ASIC2: variants seen among roughly 807,000 people sequenced by gnomAD.
ASIC2 encodes acid-sensing ion channel 2.
Under a neutral mutation model 57.3 loss-of-function variants are expected in ASIC2, and 25 were observed. The ratio of observed to expected loss-of-function variants is 0.44; its 90% confidence interval spans 0.32 to 0.61. ASIC2 has a LOEUF of 0.61. Ranked by LOEUF, ASIC2 falls within the 20% of genes least tolerant of loss-of-function variation. ASIC2 has a pLI of 0.06. For synonymous variants in ASIC2, 319 were observed against 307.5 expected, an observed-to-expected ratio of 1.04 and a Z score of -0.39; for missense variants, 641 against 738.1, an observed-to-expected ratio of 0.87 and a Z score of 1.52.
intron 1 of ASIC2, among the ~76,000 whole-genome samples, chr17:33,800,142 T>C (rs886894706): frequency 6.6e-6 from 1 of 152,130 alleles, no homozygotes; most frequent in Non-Finnish European, 1.5e-5. Flanking sequence ...TGCATCTGCA[T>C]CTCAGGCCTT....
At chr17:34,069,057 G>C (rs146104398) in intron 1 of ASIC2, among the ~76,000 whole-genome samples, 1 of 152,308 alleles carries the variant, frequency 6.6e-6, no homozygotes, top group Admixed American at 6.5e-5. Context: ...AGGAGAGTGG[G>C]CTACTCCTAC....
chr17:33,344,012 T>C (rs1025806895), intron 1 of ASIC2, among the ~76,000 whole-genome samples: 3 of 152,156 alleles, frequency 2.0e-5, no homozygotes, highest in Non-Finnish European at 4.4e-5. Context: ...CCAGGCTGAG[T>C]TGCGTGTTCC....
At chr17:33,911,476 C>G (rs946802671) in intron 1 of ASIC2, among the ~76,000 whole-genome samples, 1 of 152,164 alleles carries the variant, frequency 6.6e-6, no homozygotes, top group African/African-American at 2.4e-5. Flanking sequence ...CCCCAGTGTT[C>G]CAAGAATCAG....
rs552940156 is a variant in ASIC2, at chr17:33,017,674, A to G, written c.1452T>C (p.Gly484=). The G allele has an allele frequency of 8.1e-6, 13 of 1,613,262 alleles. No homozygotes were observed. The South Asian group carries it at 1.4e-4, about 18-fold the overall frequency. The part of the protein sequence containing the change: ...YEVAALLGDI[G]GQMGLFIGAS... ...CACCAATGAACAATCCCATCTGACC[A>G]CCAATATCACCTGGAGAGAGAGGGA... Residue 484 remains glycine, a synonymous_variant, in exon 8 of 10, where the codon GGT becomes GGC. Coordinates refer to ENST00000225823, the MANE Select transcript of ASIC2 (RefSeq NM_183377.2).
intron 1 of ASIC2, among the ~76,000 whole-genome samples, chr17:33,771,211 G>T (rs774424678): frequency 6.6e-6 from 1 of 152,162 alleles, no homozygotes; most frequent in Non-Finnish European, 1.5e-5. Context: ...TCTGTGCTGA[G>T]AATAAGAAAA....
chr17:33,542,784 C>A (rs1296287327), intron 1 of ASIC2, among the ~76,000 whole-genome samples: 2 of 140,376 alleles, frequency 1.4e-5, no homozygotes, highest in South Asian at 2.5e-4. Context: ...TCTTTTGTTG[C>A]CATTGCTTTT....
At chr17:33,886,672 T>G (rs995199693) in intron 1 of ASIC2, among the ~76,000 whole-genome samples, 1 of 152,144 alleles carries the variant, frequency 6.6e-6, no homozygotes, top group Non-Finnish European at 1.5e-5. Context: ...CAAACTCACT[T>G]TCTCCTAAAT....
intron 1 of ASIC2, among the ~76,000 whole-genome samples, chr17:33,358,180 C>A (rs577152541): frequency 2.1e-4 from 32 of 152,268 alleles, no homozygotes; most frequent in African/African-American, 6.3e-4. Context: ...TATTTTCTAA[C>A]GTGTGAAGAG....
chr17:33,177,683 T>C (rs1330003411), intron 1 of ASIC2, among the ~76,000 whole-genome samples: 2 of 152,176 alleles, frequency 1.3e-5, no homozygotes, highest in Non-Finnish European at 2.9e-5. Flanking sequence ...TTCTGAACCC[T>C]CAAACCCCTC....
intron 1 of ASIC2, among the ~76,000 whole-genome samples, chr17:33,225,217 G>C (rs1012476366): frequency 1.3e-5 from 2 of 152,194 alleles, no homozygotes; most frequent in Non-Finnish European, 2.9e-5. Context: ...GTTTGTTATA[G>C]CAAGAAACTG....
chr17:33,148,821 C>T (rs186507044), intron 1 of ASIC2, among the ~76,000 whole-genome samples: 143 of 152,220 alleles, frequency 9.4e-4, no homozygotes, highest in Middle Eastern at 6.8e-3. Flanking sequence ...AGGCCAGGTG[C>T]GCTGGCTCAC....
At position 33,223,121 on chromosome 17, in the gene ASIC2, C is replaced by T. The variant is rs1046910456; in HGVS notation, c.708+68287G>A. Among the ~76,000 whole-genome samples, 8 of 152,292 alleles carry T rather than the reference C, an allele frequency of 5.3e-5. 1 individual carries two copies. The South Asian group carries it at 1.7e-3, about 32-fold the overall frequency. ...TAGATGCCAACCTGTTCTCACAGAA[C>T]TGAACCAAAACACAGACAACCATCT... On this transcript the variant is annotated intron_variant, in intron 1 of 9. Transcript: ENST00000225823.
At chr17:33,458,717 C>T (rs927812916) in intron 1 of ASIC2, among the ~76,000 whole-genome samples, 5 of 152,178 alleles carry the variant, frequency 3.3e-5, no homozygotes, top group Non-Finnish European at 4.4e-5. Context: ...ATATGACTTT[C>T]TCTATCTGGG....
chr17:33,110,395 C>T (rs1440059186), intron 2 of ASIC2, among the ~76,000 whole-genome samples: 2 of 152,164 alleles, frequency 1.3e-5, no homozygotes, highest in Non-Finnish European at 1.5e-5. Context: ...GGACACAAAC[C>T]TTCGTCCCTC....
intron 1 of ASIC2, among the ~76,000 whole-genome samples, chr17:33,253,198 G>C (rs953769046): frequency 3.9e-5 from 6 of 152,196 alleles, no homozygotes; most frequent in Admixed American, 6.5e-5. Context: ...GCAGGAGACA[G>C]AGCTGGAGTT....
chr17:33,194,539 A>G (rs1567780267), intron 1 of ASIC2, among the ~76,000 whole-genome samples: 1 of 152,256 alleles, frequency 6.6e-6, no homozygotes. Flanking sequence ...ATAAGGAATT[A>G]CTTCTTCTTT....
intron 3 of ASIC2, among the ~76,000 whole-genome samples, chr17:33,029,870 G>C (rs2091874757): frequency 6.6e-6 from 1 of 152,210 alleles, no homozygotes; most frequent in South Asian, 2.1e-4. Flanking sequence ...GTGGTTCCCT[G>C]ACGGATGATT....
intron 1 of ASIC2, among the ~76,000 whole-genome samples, chr17:33,841,123 T>G (rs548775460): frequency 6.6e-6 from 1 of 152,206 alleles, no homozygotes; most frequent in Admixed American, 6.5e-5. Context: ...GCTGTTCTGG[T>G]TTACCTGAGA....
intron 1 of ASIC2, among the ~76,000 whole-genome samples, chr17:34,131,373 T>C (rs563940993): frequency 1.3e-5 from 2 of 152,234 alleles, no homozygotes; most frequent in East Asian, 3.9e-4. Flanking sequence ...ATTCCCTAAA[T>C]AAACTGCCAG....
Sources: gnomAD v4.1 joint callset for allele counts (sites outside exome capture counted in the v4.1 genomes callset) on GRCh38, gnomAD v4.1.1 for gene constraint, MANE v1.5 for transcripts, NCBI Gene and HGNC (gene_info 2026-07-23, HGNC 2026-07-21) for gene names.